PALLD: variants seen among roughly 807,000 people sequenced by gnomAD.
PALLD encodes the protein palladin.
A neutral mutation model predicts 123.5 loss-of-function variants in PALLD; 61 were observed. That is an observed-to-expected ratio of 0.49 (90% CI 0.40 to 0.61). The LOEUF (loss-of-function observed/expected upper bound fraction) is 0.61, where lower values mean the gene tolerates loss of function less well. Among genes scored for constraint, PALLD ranks in the 20% least tolerant of loss-of-function variants. The pLI, the probability that PALLD is intolerant of heterozygous loss-of-function variation, is 0.00. For synonymous variants in PALLD, 465 were observed against 496.4 expected (o/e 0.94, Z 0.84); for missense variants, 1,273 against 1,377.0 (o/e 0.92, Z 1.20).
chr4:168,712,676 T>C (rs1367990365), intron 10 of PALLD, among the ~76,000 whole-genome samples: 1 of 152,208 alleles, frequency 6.6e-6, no homozygotes, highest in African/African-American at 2.4e-5. Context: ...CCTGAATTAC[T>C]GCCCTGCCAG....
At chr4:168,885,190 A>G (rs1753167775) in intron 10 of PALLD, among the ~76,000 whole-genome samples, 1 of 152,110 alleles carries the variant, frequency 6.6e-6, no homozygotes, top group Non-Finnish European at 1.5e-5. Context: ...CAGTCATTCT[A>G]GCCAGCACTG....
In PALLD at chr4:168,759,200, AAAATATATATATATATATATATAT is replaced by A. The variant is rs1468503174; in HGVS notation, c.1964+47279_1964+47302del. Among the ~76,000 whole-genome samples the A allele has an allele frequency of 3.6e-4, 10 of 27,966 alleles. No homozygotes were observed. In the South Asian group the frequency reaches 5.5e-3, roughly 15 times the overall value. The allele number at this position is 27,966 out of a possible 152,430, so 18.3% of individuals were successfully genotyped here. ...ATCTCAAAAAAAAAAAAAAAAAAAA[AAAATATATATATATATATATATAT>A]ATATATATATATATATATATAGAAA... is the stretch of plus-strand genomic sequence containing the variant. On this transcript the variant is annotated intron_variant, in intron 10 of 21. Transcript: ENST00000505667.
chr4:168,763,799 T>C (rs1040527486), intron 10 of PALLD, among the ~76,000 whole-genome samples: 4 of 152,136 alleles, frequency 2.6e-5, no homozygotes, highest in African/African-American at 9.7e-5. Context: ...CAAAAAGAAA[T>C]GAATGCAACT....
At chr4:168,571,590 C>T (rs1030513876) in intron 2 of PALLD, among the ~76,000 whole-genome samples, 12 of 152,146 alleles carry the variant, frequency 7.9e-5, no homozygotes, top group Admixed American at 7.9e-4. Flanking sequence ...TTACTTTTCA[C>T]AGATCGAGAA....
In PALLD at chr4:168,711,703, T is replaced by C. The variant is rs749527043; in HGVS notation, c.1744T>C (p.Ser582Pro). 6.2e-7 allele frequency: 1 copy of C among 1,613,994 alleles called. No individual in the cohort carries two copies. The highest frequency in any genetic ancestry group is 2.2e-5 in the East Asian group (1 of 44,880). Reference sequence around the variant, plus strand: ...CTTGGAGTTGGCTTCAAAGAAACCATCTGAGATCCAGCAGGTGAACAACCC... The same window carrying C: ...CTTGGAGTTGGCTTCAAAGAAACCACCTGAGATCCAGCAGGTGAACAACCC... ...SSLELASKKP[S>P]EIQQVNNPEL... Residue 582 changes from serine to proline, a missense_variant, in exon 10 of 22, where the codon TCT becomes CCT. Ser to Pro is a moderately conservative substitution (Grantham distance 74). Coordinates refer to ENST00000505667, the MANE Select transcript of PALLD (RefSeq NM_001166108.2).
chr4:168,721,185 A>G lies in PALLD; in HGVS notation c.1964+9262A>G, dbSNP rs148106304. ...TTACATGAAGGAATACATGATGATA[A>G]CAATATTTCTTCAACATATCTTCAT... is the stretch of plus-strand genomic sequence containing the variant. On this transcript the variant is annotated intron_variant, in intron 10 of 21. Coordinates refer to ENST00000505667, the MANE Select transcript of PALLD (RefSeq NM_001166108.2). Among the ~76,000 whole-genome samples, 429 of 152,362 alleles carry G rather than the reference A, an allele frequency of 2.8e-3. 4 individuals are homozygous for G. The highest frequency in any genetic ancestry group is 9.8e-3 in the African/African-American group (408 of 41,584).
intron 10 of PALLD, among the ~76,000 whole-genome samples, chr4:168,886,140 G>A (rs1034030054): frequency 1.3e-5 from 2 of 152,048 alleles, no homozygotes; most frequent in African/African-American, 4.8e-5. Flanking sequence ...TCATGATGAA[G>A]CTTTTGGTTT....
intron 11 of PALLD, among the ~76,000 whole-genome samples, chr4:168,892,626 A>T (rs963235778): frequency 6.6e-6 from 1 of 152,092 alleles, no homozygotes; most frequent in Non-Finnish European, 1.5e-5. Context: ...AAATGTACAT[A>T]CTCTGGAAGT....
At chr4:168,784,164 CA>C (rs1451233673) in intron 10 of PALLD, among the ~76,000 whole-genome samples, 1 of 151,982 alleles carries the variant, frequency 6.6e-6, no homozygotes, top group Non-Finnish European at 1.5e-5. Flanking sequence ...AGTTGGCTAC[CA>C]ACAGACATCT....
chr4:168,855,079 A>C (rs1415479665), intron 10 of PALLD, among the ~76,000 whole-genome samples: 2 of 147,078 alleles, frequency 1.4e-5, no homozygotes, highest in Non-Finnish European at 3.0e-5. Flanking sequence ...TAATGCTGAG[A>C]AGGAATGTTC....
intron 2 of PALLD, among the ~76,000 whole-genome samples, chr4:168,667,723 C>G (rs923162713): frequency 2.6e-5 from 4 of 152,128 alleles, no homozygotes; most frequent in African/African-American, 9.7e-5. Context: ...GATCAGAAGT[C>G]TTAAGGTCAA....
At chr4:168,537,104 G>A (rs1765176911) in intron 2 of PALLD, among the ~76,000 whole-genome samples, 1 of 152,154 alleles carries the variant, frequency 6.6e-6, no homozygotes, top group Non-Finnish European at 1.5e-5. Context: ...GATTACAGGC[G>A]TGAGCCACCG....
chr4:168,794,494 G>GCACACA (rs148394196), intron 10 of PALLD, among the ~76,000 whole-genome samples: 101 of 135,752 alleles, frequency 7.4e-4, no homozygotes, highest in Middle Eastern at 3.4e-3. Flanking sequence ...ACACATGCAC[G>GCACACA]CACACACACA....
At chr4:168,887,934 T>C (rs1172187411) in intron 10 of PALLD, among the ~76,000 whole-genome samples, 1 of 152,106 alleles carries the variant, frequency 6.6e-6, no homozygotes, top group Admixed American at 6.5e-5. Flanking sequence ...AAAGGAGCCA[T>C]GGTAAGGGAG....
chr4:168,580,095 T>C (rs1049155019), intron 2 of PALLD, among the ~76,000 whole-genome samples: 1 of 152,082 alleles, frequency 6.6e-6, no homozygotes, highest in African/African-American at 2.4e-5. Context: ...TTGACTTTTT[T>C]GGATTCCACG....
intron 10 of PALLD, among the ~76,000 whole-genome samples, chr4:168,758,058 G>C (rs558517274): frequency 6.6e-6 from 1 of 152,278 alleles, no homozygotes; most frequent in South Asian, 2.1e-4. Flanking sequence ...GCGACAGAGC[G>C]AGACTCCATC....
intron 10 of PALLD, among the ~76,000 whole-genome samples, chr4:168,745,918 A>C (rs1354046): frequency 0.34 from 51,514 of 151,902 alleles, 9,175 homozygotes; most frequent in Middle Eastern, 0.4. Context: ...TATTTTCTGA[A>C]TGTGCTTTAA....
intron 6 of PALLD, among the ~76,000 whole-genome samples, chr4:168,687,610 G>C (rs1377161267): frequency 6.6e-6 from 1 of 152,194 alleles, no homozygotes; most frequent in Non-Finnish European, 1.5e-5. Flanking sequence ...AGGAAGCAAA[G>C]ATTTGCTTTC....
chr4:168,838,000 G>A (rs1391725862), intron 10 of PALLD, among the ~76,000 whole-genome samples: 2 of 152,192 alleles, frequency 1.3e-5, no homozygotes, highest in Non-Finnish European at 2.9e-5. Context: ...TGCAGTTCAG[G>A]CAAGTAGAGA....
Sources: gnomAD v4.1 joint callset for allele counts (sites outside exome capture counted in the v4.1 genomes callset) on GRCh38, gnomAD v4.1.1 for gene constraint, MANE v1.5 for transcripts, NCBI Gene and HGNC (gene_info 2026-07-23, HGNC 2026-07-21) for gene names.